The following PBX1 variants were observed in gnomAD, a reference collection of about 807,000 sequenced individuals.
PBX1 encodes the protein PBX homeobox 1.
In PBX1, 6 loss-of-function variants were observed where a neutral mutation model predicts 53.4. The observed-to-expected ratio is 0.11, with a 90% confidence interval of 0.06 to 0.22. PBX1 has a LOEUF of 0.22. Among genes scored for constraint, PBX1 ranks in the 10% least tolerant of loss-of-function variants. PBX1 has a pLI of 1.00. For missense variants in PBX1, 251 were observed against 551.4 expected, an observed-to-expected ratio of 0.46 and a Z score of 5.46; for synonymous variants, 204 against 212.3, an observed-to-expected ratio of 0.96 and a Z score of 0.34.
At chr1:164,568,466 T>C (rs1333012430) in intron 2 of PBX1, among the ~76,000 whole-genome samples, 3 of 152,144 alleles carry the variant, frequency 2.0e-5, no homozygotes, top group Non-Finnish European at 2.9e-5. Context: ...TTAACCTGAT[T>C]TGGAGGAATA....
intron 2 of PBX1, among the ~76,000 whole-genome samples, chr1:164,870,273 CTTT>C (rs1672332522): frequency 1.1e-3 from 20 of 18,916 alleles, no homozygotes; most frequent in African/African-American, 3.3e-3. Flanking sequence ...TTCCTTCTTT[CTTT>C]CTTTCTTTCT....
At chr1:164,677,382 G>A (rs112060916) in intron 2 of PBX1, among the ~76,000 whole-genome samples, 3 of 152,050 alleles carry the variant, frequency 2.0e-5, no homozygotes, top group African/African-American at 7.2e-5. Context: ...GTGAGCCACC[G>A]CGCCCGGCCT....
intron 2 of PBX1, among the ~76,000 whole-genome samples, chr1:164,643,954 G>A (rs1659302670): frequency 6.6e-6 from 1 of 152,110 alleles, no homozygotes; most frequent in Non-Finnish European, 1.5e-5. Flanking sequence ...CATATTTATT[G>A]CTTGTATATT....
intron 2 of PBX1, among the ~76,000 whole-genome samples, chr1:164,594,585 TAG>T (rs1468700321): frequency 6.6e-6 from 1 of 152,140 alleles, no homozygotes; most frequent in Non-Finnish European, 1.5e-5. Context: ...CCGGCCAAAA[TAG>T]AGTTACTTTA....
intron 2 of PBX1, among the ~76,000 whole-genome samples, chr1:164,747,481 G>T (rs1034372390): frequency 5.9e-5 from 9 of 152,040 alleles, no homozygotes; most frequent in African/African-American, 2.2e-4. Flanking sequence ...GTATGTTTCT[G>T]TATATTTTGT....
At chr1:164,700,089 A>T (rs898328728) in intron 2 of PBX1, among the ~76,000 whole-genome samples, 1 of 152,196 alleles carries the variant, frequency 6.6e-6, no homozygotes, top group Non-Finnish European at 1.5e-5. Context: ...AACATGCCGG[A>T]ACAGAGATGC....
At chr1:164,795,597 A>T (rs1668739285) in intron 3 of PBX1, among the ~76,000 whole-genome samples, 1 of 152,234 alleles carries the variant, frequency 6.6e-6, no homozygotes, top group Non-Finnish European at 1.5e-5. Flanking sequence ...TTTTCTAGTT[A>T]AGAAGTGAAT....
downstream of PBX1, among the ~76,000 whole-genome samples, chr1:164,854,945 CTTTTTTTTTTTT>C (rs539213655): frequency 3.4e-5 from 4 of 116,364 alleles, no homozygotes; most frequent in Non-Finnish European, 5.2e-5. Context: ...CTCTCTCTCT[CTTTTTTTTTTTT>C]TTTTTTTTTG....
At chr1:164,635,737 T>G (rs1461532664) in intron 2 of PBX1, among the ~76,000 whole-genome samples, 1 of 152,254 alleles carries the variant, frequency 6.6e-6, no homozygotes, top group Non-Finnish European at 1.5e-5. Flanking sequence ...ACGTCTATTA[T>G]ATTGCAACAT....
intron 4 of PBX1, among the ~76,000 whole-genome samples, chr1:164,807,338 G>C (rs989646703): frequency 6.6e-6 from 1 of 152,190 alleles, no homozygotes; most frequent in Non-Finnish European, 1.5e-5. Flanking sequence ...CCACTCTTCT[G>C]TTCGGTGCCC....
intron 2 of PBX1, among the ~76,000 whole-genome samples, chr1:164,610,075 C>T (rs1473404601): frequency 6.6e-6 from 1 of 152,160 alleles, no homozygotes; most frequent in Non-Finnish European, 1.5e-5. Context: ...TCCATGCCTG[C>T]GCGTCTCCTT....
chr1:164,687,223 G>A (rs1662158415), intron 2 of PBX1, among the ~76,000 whole-genome samples: 2 of 152,126 alleles, frequency 1.3e-5, no homozygotes, highest in Non-Finnish European at 2.9e-5. Flanking sequence ...GTTGGCATTT[G>A]GAGGTGGAGA....
rs74117952 is a variant in PBX1, at chr1:164,612,311, G to A, written c.265+49000G>A. ...AATTTTGCATTGTTCTGGTGCCATA[G>A]TCTTGATTTCAAATGCGTCGCCATT... On this transcript the variant is annotated intron_variant, in intron 2 of 8. Transcript: ENST00000420696. 6.7e-3 allele frequency among the ~76,000 whole-genome samples: 1,019 copies of A among 152,254 alleles called. 15 individuals carry two copies. The highest frequency in any genetic ancestry group is 0.024 in the African/African-American group (977 of 41,550).
At chr1:164,655,496 A>G (rs953008238) in intron 2 of PBX1, among the ~76,000 whole-genome samples, 1 of 152,180 alleles carries the variant, frequency 6.6e-6, no homozygotes, top group Non-Finnish European at 1.5e-5. Flanking sequence ...AGAAAAGTCC[A>G]ATGTTGAGTA....
At chr1:164,736,501 TCTTC>T (rs1431570348) in intron 2 of PBX1, among the ~76,000 whole-genome samples, 2 of 152,164 alleles carry the variant, frequency 1.3e-5, no homozygotes, top group Admixed American at 6.5e-5. Context: ...CCTCCTTTCA[TCTTC>T]CTTCTTTTCT....
At position 164,728,920 on chromosome 1, in the gene PBX1, C is replaced by T. The variant is rs571068631; in HGVS notation, c.266-63574C>T. Among the ~76,000 whole-genome samples the T allele has an allele frequency of 7.2e-5, 11 of 152,334 alleles. No homozygotes were observed. The East Asian group carries it at 1.4e-3, about 19-fold the overall frequency. On this transcript the variant is annotated intron_variant, in intron 2 of 8. Coordinates refer to ENST00000420696, the MANE Select transcript of PBX1 (RefSeq NM_002585.4). Reference sequence around the variant, plus strand: ...AAAACCAGTCAGGAGGAATTTGATACGCCAAGTGGGCCAGCTCATTATAAC... The same window carrying T: ...AAAACCAGTCAGGAGGAATTTGATATGCCAAGTGGGCCAGCTCATTATAAC...
At chr1:164,756,205 G>A (rs904382357) in intron 2 of PBX1, among the ~76,000 whole-genome samples, 6 of 151,978 alleles carry the variant, frequency 3.9e-5, no homozygotes, top group African/African-American at 9.7e-5. Context: ...GAATAGCACC[G>A]CGTAAGGATG....
At chr1:164,795,434 T>A (rs1251602374) in intron 3 of PBX1, among the ~76,000 whole-genome samples, 1 of 152,216 alleles carries the variant, frequency 6.6e-6, no homozygotes, top group East Asian at 1.9e-4. Flanking sequence ...TGTGGCTACC[T>A]ACCTATTCTA....
At position 164,559,557 on chromosome 1, in the gene PBX1, T is replaced by G. The variant is rs1467458855; in HGVS notation, c.-266T>G. On this transcript the variant is annotated 5_prime_UTR_variant, in exon 1 of 9. Coordinates refer to ENST00000420696, the MANE Select transcript of PBX1 (RefSeq NM_002585.4). ...GGTTTATTTTTCTTGCTTTTTGGAG[T>G]CAACACCCTTCCCCACCAGCCCTTA... 2.6e-6 allele frequency: 1 copy of G among 386,460 alleles called. No individual in the cohort carries two copies. The highest frequency in any genetic ancestry group is 4.6e-6 in the Non-Finnish European group (1 of 218,926). 23.9% of individuals were successfully genotyped at this position (386,460 alleles called of 1,614,324 possible). A position where few individuals can be genotyped will look rare whatever the true frequency, so the allele number is the denominator to read the frequency against.
Sources: gnomAD v4.1 joint callset for allele counts (sites outside exome capture counted in the v4.1 genomes callset) on GRCh38, gnomAD v4.1.1 for gene constraint, MANE v1.5 for transcripts, NCBI Gene and HGNC (gene_info 2026-07-23, HGNC 2026-07-21) for gene names.